The following ZNF446 variants were observed in gnomAD, a reference collection of about 807,000 sequenced individuals.
The protein encoded by ZNF446 is zinc finger protein 446.
A neutral mutation model predicts 34.0 loss-of-function variants in ZNF446; 42 were observed. That is an observed-to-expected ratio of 1.23 (90% confidence interval 0.96 to 1.60). The LOEUF (loss-of-function observed/expected upper bound fraction) is 1.60, where lower values mean the gene tolerates loss of function less well. Among genes scored for constraint, ZNF446 ranks in the 40% most tolerant of loss-of-function variants. The pLI is 0.00. For missense variants in ZNF446, 650 were observed against 600.2 expected, an observed-to-expected ratio of 1.08 and a Z score of -0.87; for synonymous variants, 315 against 251.0, an observed-to-expected ratio of 1.25 and a Z score of -2.41.
intron 1 of ZNF446, among the ~76,000 whole-genome samples, chr19:58,476,813 C>T (rs1298583454): frequency 6.6e-6 from 1 of 152,152 alleles, no homozygotes; most frequent in African/African-American, 2.4e-5. Context: ...GTCCACTCTC[C>T]TCGCACCTCG....
intron 3 of ZNF446, 45 bp downstream of exon 3, chr19:58,477,871 T>C: frequency 6.8e-7 from 1 of 1,479,502 alleles, no homozygotes. Flanking sequence ...CTGGAGGAAG[T>C]GTGGACATTC....
intron 1 of ZNF446, among the ~76,000 whole-genome samples, 169 bp downstream of exon 1, chr19:58,476,673 G>A (rs576462952): frequency 3.3e-5 from 5 of 152,212 alleles, no homozygotes; most frequent in Admixed American, 6.5e-5. Flanking sequence ...CAGCGAGCAC[G>A]ATGTCCACGT....
At chr19:58,485,224 G>A (rs192423477), downstream of ZNF446, among the ~76,000 whole-genome samples, 370 of 152,034 alleles carry the variant, frequency 2.4e-3, 1 homozygote, top group African/African-American at 8.1e-3. Flanking sequence ...GTGGTGGCTG[G>A]GCACGGTGGC....
At chr19:58,478,296 A>G (rs2053107432) in intron 4 of ZNF446, 115 bp downstream of exon 4, 5 of 918,882 alleles carry the variant, frequency 5.4e-6, no homozygotes, top group Non-Finnish European at 8.2e-6. Context: ...TTTGCTTCCC[A>G]GAAGTGGAGT....
downstream of ZNF446, chr19:58,483,596 G>A (rs1179834047): frequency 6.6e-6 from 1 of 152,170 alleles, no homozygotes; most frequent in Non-Finnish European, 1.5e-5. Flanking sequence ...GCTGCAGTGA[G>A]CTCTGATAAC....
downstream of ZNF446, among the ~76,000 whole-genome samples, chr19:58,481,620 G>C (rs930517899): frequency 6.6e-6 from 1 of 152,180 alleles, no homozygotes; most frequent in Non-Finnish European, 1.5e-5. Context: ...CAGCTCCCTG[G>C]GAAGCACCGG....
In ZNF446 at chr19:58,480,597, G is replaced by A. The variant is rs1292752760; in HGVS notation, c.1224G>A (p.Ser408=). Residue 408 remains serine (S), a synonymous_variant, in exon 7 of 7, where the codon TCG becomes TCA. Coordinates refer to ENST00000594369, the MANE Select transcript of ZNF446 (RefSeq NM_017908.4). This position sits in a 1 kb window ranked among gnomAD's most constrained non-coding sequence, Gnocchi z 7.2. ...GCGGGTGCAGCTTCAGCTGGAAGTC[G>A]CAGCTGGTCATCCACCGCAAGAGCC... is the stretch of plus-strand genomic sequence containing the variant. ...EECGCSFSWK[S]QLVIHRKSHT... 7 of 1,612,656 alleles carry A rather than the reference G, an allele frequency of 4.3e-6. No individual in the cohort carries two copies. Among genetic ancestry groups the A allele is most frequent in the Middle Eastern group, 1.7e-4 (1 of 6,060 alleles).
chr19:58,479,531 C>T lies in ZNF446; in HGVS notation c.628-112C>T, dbSNP rs898840345. 38 of 1,082,852 alleles carry T rather than the reference C, an allele frequency of 3.5e-5. No homozygotes were observed. In the African/African-American group the frequency reaches 4.5e-4, roughly 13 times the overall value. 67.1% of individuals were successfully genotyped at this position (1,082,852 alleles called of 1,614,324 possible). ...TTGAGATCATTCTCAGCAGGAGGGGCAGATGAGGCGTAGGTAACCTGCTGA... is the reference window on the plus strand; with the variant it reads ...TTGAGATCATTCTCAGCAGGAGGGGTAGATGAGGCGTAGGTAACCTGCTGA... On this transcript the variant is annotated intron_variant, in intron 4 of 6. Coordinates refer to ENST00000594369, the MANE Select transcript of ZNF446 (RefSeq NM_017908.4).
At chr19:58,487,228 A>G in the ZNF446 span, among the ~76,000 whole-genome samples, 1 of 152,180 alleles carries the variant, frequency 6.6e-6, no homozygotes, top group South Asian at 2.1e-4. Context: ...ATGATGTCAT[A>G]TGGCATAGTT....
downstream of ZNF446, among the ~76,000 whole-genome samples, chr19:58,484,218 CTTGAGGCCAAGACT>C (rs1259791078): frequency 4.1e-5 from 6 of 145,876 alleles, no homozygotes; most frequent in Non-Finnish European, 8.9e-5. Context: ...AGGAGGATCA[CTTGAGGCCAAGACT>C]TTGAGACCAG....
chr19:58,486,834 A>T, the ZNF446 span, among the ~76,000 whole-genome samples: 2 of 150,234 alleles, frequency 1.3e-5, no homozygotes, highest in African/African-American at 4.9e-5. Flanking sequence ...ACGGAGTCTC[A>T]CTCTGTCGCC....
At chr19:58,488,060 C>T in the ZNF446 span, among the ~76,000 whole-genome samples, 88 of 117,668 alleles carry the variant, frequency 7.5e-4, no homozygotes, top group Middle Eastern at 6.8e-3. Flanking sequence ...CCTGCCTTGC[C>T]CGTGACCACA....
At chr19:58,488,792 G>A in the ZNF446 span, among the ~76,000 whole-genome samples, 82 of 148,604 alleles carry the variant, frequency 5.5e-4, no homozygotes, top group Middle Eastern at 3.4e-3. Context: ...TGGAGCTTGC[G>A]GTGAGCCAAG....
At chr19:58,487,669 C>T in the ZNF446 span, among the ~76,000 whole-genome samples, 22 of 151,588 alleles carry the variant, frequency 1.5e-4, no homozygotes, top group Admixed American at 2.6e-4. Flanking sequence ...ATTAGCCAGC[C>T]GTGATGGTGG....
downstream of ZNF446, among the ~76,000 whole-genome samples, chr19:58,482,601 C>T (rs1443859912): frequency 6.6e-6 from 1 of 152,134 alleles, no homozygotes; most frequent in Admixed American, 6.5e-5. Flanking sequence ...GGAGGGGCTC[C>T]CTGGGAGGGG....
the ZNF446 span, among the ~76,000 whole-genome samples, chr19:58,486,717 T>G: frequency 1.9e-3 from 170 of 90,028 alleles, no homozygotes; most frequent in Middle Eastern, 4.9e-3. Flanking sequence ...CTTTTTTTTT[T>G]GGGGGGGGGC....
chr19:58,478,282 G>T (rs914243512), intron 4 of ZNF446, 101 bp downstream of exon 4: 1 of 1,081,462 alleles, frequency 9.2e-7, no homozygotes, highest in Non-Finnish European at 1.3e-6. Context: ...TTGACTAGTG[G>T]CTCTTTGCTT....
chr19:58,477,484 A>G lies in ZNF446; in HGVS notation c.266A>G (p.Gln89Arg). Reference protein sequence around the residue: ...PPEIQAWVRGQRPGSPEEAAA... With the variant: ...PPEIQAWVRGRRPGSPEEAAA... The stretch of plus-strand genomic sequence containing the variant: ...GAGATCCAGGCCTGGGTGCGCGGTC[A>G]GCGGCCAGGCAGTCCTGAGGAGGCC... The change falls in exon 2 of 7, where the codon CAG becomes CGG. Residue 89 changes from glutamine (Q) to arginine (R), a missense_variant. Coordinates refer to ENST00000594369, the MANE Select transcript of ZNF446 (RefSeq NM_017908.4). 3 of 1,613,578 alleles carry G rather than the reference A, an allele frequency of 1.9e-6. No homozygotes were observed. The highest frequency in any genetic ancestry group is 4.5e-5 in the East Asian group (2 of 44,890).
At chr19:58,482,368 A>G (rs1039691190), downstream of ZNF446, among the ~76,000 whole-genome samples, 1 of 152,022 alleles carries the variant, frequency 6.6e-6, no homozygotes, top group African/African-American at 2.4e-5. Flanking sequence ...CCTTTTGCCA[A>G]TTGAGATGTT....
Sources: gnomAD v4.1 joint callset for allele counts (sites outside exome capture counted in the v4.1 genomes callset) on GRCh38, gnomAD v4.1.1 for gene constraint, Gnocchi (gnomAD v3.1) non-coding constraint, MANE v1.5 for transcripts, NCBI Gene and HGNC (gene_info 2026-07-23, HGNC 2026-07-21) for gene names.